The following SLC14A2 variants were observed in gnomAD, a reference collection of about 807,000 sequenced individuals.
SLC14A2 encodes the protein solute carrier family 14 member 2.
SLC14A2 carries 91 observed loss-of-function variants against 104.6 expected under a neutral mutation model. The ratio of observed to expected loss-of-function variants is 0.87; its 90% CI spans 0.73 to 1.04. The LOEUF (loss-of-function observed/expected upper bound fraction) is 1.04. Ranked by LOEUF, SLC14A2 falls within the 50% of genes least tolerant of loss-of-function variation. SLC14A2 has a pLI of 0.00. For synonymous variants in SLC14A2, 476 were observed against 466.4 expected, an observed-to-expected ratio of 1.02 and a Z score of -0.27; for missense variants, 1,189 against 1,156.0, an observed-to-expected ratio of 1.03 and a Z score of -0.41.
intron 1 of SLC14A2, among the ~76,000 whole-genome samples, chr18:45,220,973 T>C (rs2084056140): frequency 6.6e-6 from 1 of 152,208 alleles, no homozygotes; most frequent in Non-Finnish European, 1.5e-5. Context: ...AAACTTCTTC[T>C]TCTGTTAAGG....
the SLC14A2 span, among the ~76,000 whole-genome samples, chr18:45,169,723 C>A: frequency 6.6e-6 from 1 of 152,136 alleles, no homozygotes; most frequent in African/African-American, 2.4e-5. Flanking sequence ...GCTTCTTTAC[C>A]CTAAACACTG....
At chr18:45,356,692 G>A (rs1393906683) in intron 1 of SLC14A2, among the ~76,000 whole-genome samples, 4 of 152,214 alleles carry the variant, frequency 2.6e-5, no homozygotes, top group Non-Finnish European at 5.9e-5. Context: ...CTGTATCAGA[G>A]GTGCTCAAAC....
At chr18:45,531,725 T>C (rs2043691981) in intron 2 of SLC14A2, among the ~76,000 whole-genome samples, 1 of 152,176 alleles carries the variant, frequency 6.6e-6, no homozygotes. Context: ...TTTGTCAATT[T>C]TGGCTTTTGT....
chr18:45,337,484 A>T (rs1306196020), intron 1 of SLC14A2, among the ~76,000 whole-genome samples: 4 of 152,122 alleles, frequency 2.6e-5, no homozygotes, highest in Non-Finnish European at 5.9e-5. Context: ...GTAAGCCAAA[A>T]ATAAAATCCT....
intron 10 of SLC14A2, among the ~76,000 whole-genome samples, chr18:45,660,130 CT>C (rs1444932201): frequency 6.6e-6 from 1 of 152,018 alleles, no homozygotes; most frequent in Admixed American, 6.6e-5. Context: ...AAGATCGTGT[CT>C]CAAAAAAATA....
chr18:45,668,539 T>C (rs6507631), intron 15 of SLC14A2, 62 bp downstream of exon 15: 1,286,556 of 1,589,560 alleles, frequency 0.81, 525,045 homozygotes, highest in Non-Finnish European at 0.83. Context: ...TTCATCCCAA[T>C]CCCATGACCG....
chr18:45,331,686 G>A (rs1350028356), intron 1 of SLC14A2, among the ~76,000 whole-genome samples: 63 of 143,850 alleles, frequency 4.4e-4, no homozygotes, highest in Middle Eastern at 3.6e-3. Flanking sequence ...GCGAGACTCC[G>A]TCTCAAAAAA....
intron 1 of SLC14A2, among the ~76,000 whole-genome samples, chr18:45,261,464 T>C (rs1238361404): frequency 2.6e-5 from 4 of 151,940 alleles, no homozygotes; most frequent in Non-Finnish European, 5.9e-5. Context: ...ATGTGCAGGT[T>C]AGTTACATAT....
In SLC14A2 at chr18:45,632,411, G is replaced by A. The variant is rs766420771; in HGVS notation, c.583G>A (p.Val195Met). 37 of 1,613,902 alleles carry A rather than the reference G, an allele frequency of 2.3e-5. No homozygotes were observed. The highest frequency in any genetic ancestry group is 2.8e-5 in the Non-Finnish European group (33 of 1,179,948). Residue 195 changes from valine (V) to methionine (M), a missense_variant, in exon 5 of 20, where the codon GTG becomes ATG. Transcript: ENST00000255226. ...NGMLVGLLMA[V>M]FSEKLDYYWW... ...GATGCTGGTGGGACTGCTGATGGCCGTGTTCTCGGAGAAGTTAGACTACTA... is the reference window on the plus strand; with the variant it reads ...GATGCTGGTGGGACTGCTGATGGCCATGTTCTCGGAGAAGTTAGACTACTA...
At chr18:45,278,918 G>A (rs1229208808) in intron 1 of SLC14A2, among the ~76,000 whole-genome samples, 3 of 152,146 alleles carry the variant, frequency 2.0e-5, no homozygotes, top group East Asian at 1.9e-4. Flanking sequence ...TATGGGAGGC[G>A]TGATGTAAAA....
intron 1 of SLC14A2, among the ~76,000 whole-genome samples, chr18:45,457,347 C>G (rs897432114): frequency 6.6e-6 from 1 of 152,090 alleles, no homozygotes; most frequent in Non-Finnish European, 1.5e-5. Flanking sequence ...TGAGGCATGT[C>G]CCTGGTGGTG....
intron 1 of SLC14A2, among the ~76,000 whole-genome samples, chr18:45,423,133 G>A (rs915343315): frequency 6.6e-6 from 1 of 152,158 alleles, no homozygotes; most frequent in African/African-American, 2.4e-5. Context: ...TGCTCCATTT[G>A]GGGAATGAAG....
At chr18:45,327,704 G>A (rs957180209) in intron 1 of SLC14A2, among the ~76,000 whole-genome samples, 1 of 152,220 alleles carries the variant, frequency 6.6e-6, no homozygotes, top group Non-Finnish European at 1.5e-5. Flanking sequence ...GTTGTAGCAT[G>A]TGTCAGAATT....
At chr18:45,591,587 G>A (rs539080133) in intron 2 of SLC14A2, among the ~76,000 whole-genome samples, 32 of 152,062 alleles carry the variant, frequency 2.1e-4, no homozygotes, top group African/African-American at 7.0e-4. Context: ...CACCCACCTC[G>A]GCCTCCCAAA....
intron 1 of SLC14A2, among the ~76,000 whole-genome samples, chr18:45,475,206 C>T (rs1011299901): frequency 6.6e-6 from 1 of 152,124 alleles, no homozygotes; most frequent in Non-Finnish European, 1.5e-5. Flanking sequence ...GTTTCTTAAT[C>T]CTGAGTTCTA....
chr18:45,325,826 G>A (rs188258095), intron 1 of SLC14A2, among the ~76,000 whole-genome samples: 1 of 152,288 alleles, frequency 6.6e-6, no homozygotes, highest in East Asian at 1.9e-4. Flanking sequence ...CTGTGTGCCT[G>A]TGTTCCCCTC....
At chr18:45,406,836 T>C (rs1402241441) in intron 1 of SLC14A2, among the ~76,000 whole-genome samples, 2 of 152,172 alleles carry the variant, frequency 1.3e-5, no homozygotes, top group Non-Finnish European at 2.9e-5. Context: ...CTTTTTTTTT[T>C]CTGAGCAGTA....
intron 1 of SLC14A2, among the ~76,000 whole-genome samples, chr18:45,615,817 A>ATG (rs34832879): frequency 0.21 from 30,749 of 147,020 alleles, 3,215 homozygotes; most frequent in East Asian, 0.26. Flanking sequence ...GTAGGGGTGT[A>ATG]TGTGTGTGTG....
At chr18:45,545,040 C>T (rs548151974) in intron 2 of SLC14A2, among the ~76,000 whole-genome samples, 9 of 152,024 alleles carry the variant, frequency 5.9e-5, no homozygotes, top group South Asian at 4.2e-4. Context: ...GTGATCTGCC[C>T]GCCTCGGCCT....
Sources: allele counts gnomAD v4.1 joint callset (sites outside exome capture counted in the v4.1 genomes callset), GRCh38; gene constraint gnomAD v4.1.1; transcripts MANE v1.5; gene names NCBI Gene and HGNC (gene_info 2026-07-23, HGNC 2026-07-21).